CCBE1: variants seen among roughly 807,000 people sequenced by gnomAD.
CCBE1 encodes collagen and calcium-binding EGF domain-containing protein 1.
A neutral mutation model predicts 50.0 loss-of-function variants in CCBE1; 37 were observed. The ratio of observed to expected loss-of-function variants is 0.74; its 90% CI spans 0.57 to 0.97. The LOEUF is 0.97. Among genes scored for constraint, CCBE1 ranks in the 50% least tolerant of loss-of-function variants. The probability of loss-of-function intolerance (pLI) is 0.00; values close to 1 mark genes in which losing one functional copy is unlikely to be tolerated. For synonymous variants in CCBE1, 234 were observed against 203.7 expected (o/e 1.15, Z -1.27); for missense variants, 538 against 523.8 (o/e 1.03, Z -0.26).
At chr18:59,624,941 G>A (rs893578220) in intron 2 of CCBE1, among the ~76,000 whole-genome samples, 2 of 152,196 alleles carry the variant, frequency 1.3e-5, no homozygotes, top group Non-Finnish European at 2.9e-5. Context: ...CTCACACATA[G>A]CTATGCAATA....
In CCBE1 at chr18:59,487,468, C is replaced by CT. The variant is rs199834060; in HGVS notation, c.213-7231_213-7230insA. ...TACTAGAATTCCTTTTACACTACAT[C>CT]CCCCAAGAACAGAACTGAATAAAAT... On this transcript the variant is annotated intron_variant, in intron 2 of 10. Transcript: ENST00000439986. Among the ~76,000 whole-genome samples, 5 of 127,186 alleles carry CT rather than the reference C, an allele frequency of 3.9e-5. No individual in the cohort carries two copies. In the Admixed American group the frequency reaches 5.0e-4, roughly 13 times the overall value. 83.4% of individuals were successfully genotyped at this position (127,186 alleles called of 152,430 possible).
intron 4 of CCBE1, among the ~76,000 whole-genome samples, chr18:59,469,182 C>G (rs1320294579): frequency 6.6e-6 from 1 of 152,170 alleles, no homozygotes; most frequent in Non-Finnish European, 1.5e-5. Context: ...CTTTTCTGAC[C>G]ACTTATACTC....
At chr18:59,477,754 G>A (rs1026999478) in intron 3 of CCBE1, among the ~76,000 whole-genome samples, 2 of 152,198 alleles carry the variant, frequency 1.3e-5, no homozygotes, top group Non-Finnish European at 2.9e-5. Flanking sequence ...TCTGGGGAAA[G>A]GGTTAGTGTG....
Position 59,434,674 on chromosome 18 carries a change from T to C in CCBE1, c.*1234A>G, listed in dbSNP as rs1447703159. ...AGAGAAGGCCTAAAAGAACTGGAAC[T>C]TGGACTAAATTAAAGAAAATTAAGA... On this transcript the variant is annotated 3_prime_UTR_variant, in exon 11 of 11. Coordinates refer to ENST00000439986, the MANE Select transcript of CCBE1 (RefSeq NM_133459.4). 1 of 152,152 alleles carries C rather than the reference T, an allele frequency of 6.6e-6. No homozygotes were observed. The highest frequency in any genetic ancestry group is 2.4e-5 in the African/African-American group (1 of 41,438). 9.4% of individuals were successfully genotyped at this position (152,152 alleles called of 1,614,324 possible). A position where few individuals can be genotyped will look rare whatever the true frequency, so the allele number is the denominator to read the frequency against.
At chr18:59,661,949 A>G (rs1279813412) in intron 2 of CCBE1, among the ~76,000 whole-genome samples, 1 of 146,224 alleles carries the variant, frequency 6.8e-6, no homozygotes, top group Admixed American at 6.8e-5. Flanking sequence ...CCAGGGCAAC[A>G]GAGTGAGACT....
At chr18:59,562,240 C>T (rs2052749682) in intron 2 of CCBE1, among the ~76,000 whole-genome samples, 1 of 152,164 alleles carries the variant, frequency 6.6e-6, no homozygotes, top group African/African-American at 2.4e-5. Context: ...CACAAGCTGA[C>T]TGGCTAGGCA....
chr18:59,463,347 C>G (rs1911583532), intron 5 of CCBE1, among the ~76,000 whole-genome samples: 1 of 152,204 alleles, frequency 6.6e-6, no homozygotes, highest in Non-Finnish European at 1.5e-5. Flanking sequence ...CCCATCTCAG[C>G]CTCCTGAGTA....
At chr18:59,675,777 C>T (rs10503031) in intron 2 of CCBE1, among the ~76,000 whole-genome samples, 44,430 of 152,116 alleles carry the variant, frequency 0.29, 6,884 homozygotes, top group Non-Finnish European at 0.35. Flanking sequence ...CCCTTTTACA[C>T]TAGAGGGTGC....
intron 2 of CCBE1, among the ~76,000 whole-genome samples, chr18:59,585,488 A>G (rs773668414): frequency 6.6e-6 from 1 of 152,214 alleles, no homozygotes; most frequent in South Asian, 2.1e-4. Context: ...CCAGAAACTC[A>G]GAAAATAACT....
rs144539625 is a variant in CCBE1 at position 59,551,565 on chromosome 18, C to T, written c.213-71327G>A. ...TCAGCTACATTATAACCTTACAGGA[C>T]CCCCTGTCCTATATGCGGTCCATCC... On this transcript the variant is annotated intron_variant, in intron 2 of 10. Transcript: ENST00000439986. Among the ~76,000 whole-genome samples the T allele has an allele frequency of 2.2e-3, 342 of 152,318 alleles. 1 individual carries two copies. Among genetic ancestry groups the T allele is most frequent in the African/African-American group, 6.4e-3 (266 of 41,574 alleles).
chr18:59,641,833 C>T (rs2144647135), intron 2 of CCBE1, among the ~76,000 whole-genome samples: 1 of 152,192 alleles, frequency 6.6e-6, no homozygotes, highest in South Asian at 2.1e-4. Flanking sequence ...ATCGTTGAGG[C>T]TCGATGGTGT....
chr18:59,478,200 C>A (rs1912402021), intron 3 of CCBE1, among the ~76,000 whole-genome samples: 1 of 152,156 alleles, frequency 6.6e-6, no homozygotes, highest in Non-Finnish European at 1.5e-5. Context: ...TTTGGACTTG[C>A]ATCTCCACAA....
rs1450348226 is a variant in CCBE1 at position 59,697,077 on chromosome 18, ACT to A, written c.131+133_131+134del. On this transcript the variant is annotated intron_variant, in intron 1 of 10. Transcript: ENST00000439986. ...GAAGTGTCGCCCAGGACAGCTGAGC[ACT>A]CTCCTTATCCCCGGAGAAGTGAGGG... The A allele has an allele frequency of 2.5e-6, 3 of 1,219,270 alleles. No homozygotes were observed. In the African/African-American group the frequency reaches 4.5e-5, roughly 18 times the overall value. 75.5% of individuals were successfully genotyped at this position (1,219,270 alleles called of 1,614,324 possible). A position where few individuals can be genotyped will look rare whatever the true frequency, so the allele number is the denominator to read the frequency against.
intron 2 of CCBE1, among the ~76,000 whole-genome samples, chr18:59,674,382 C>T (rs369019921): frequency 1.7e-3 from 252 of 152,150 alleles, no homozygotes; most frequent in African/African-American, 5.0e-3. Context: ...GAAAACCAAA[C>T]GCAGCATGTT....
Position 59,526,238 on chromosome 18 carries a change from G to A in CCBE1, c.213-46000C>T, listed in dbSNP as rs182071045. Among the ~76,000 whole-genome samples the A allele has an allele frequency of 1.7e-4, 25 of 150,954 alleles. 1 individual carries two copies. Among genetic ancestry groups the A allele is most frequent in the African/African-American group, 6.1e-4 (25 of 41,172 alleles). ...TGATCTTGTTTATTTTTTGTCTTCT[G>A]CTAGCTTTGGGGTTTGTTTGCTTTT... On this transcript the variant is annotated intron_variant, in intron 2 of 10. Transcript: ENST00000439986.
chr18:59,468,250 T>C (rs1245326665), intron 4 of CCBE1, among the ~76,000 whole-genome samples: 2 of 152,132 alleles, frequency 1.3e-5, no homozygotes, highest in African/African-American at 2.4e-5. Context: ...CTGGGTGTAG[T>C]GGCGCATGCC....
At chr18:59,445,165 T>C (rs1910614464) in intron 7 of CCBE1, among the ~76,000 whole-genome samples, 1 of 152,150 alleles carries the variant, frequency 6.6e-6, no homozygotes, top group Non-Finnish European at 1.5e-5. Flanking sequence ...ATTTTCATAG[T>C]TTTGGGGTCT....
intron 2 of CCBE1, among the ~76,000 whole-genome samples, chr18:59,638,777 T>C (rs766947701): frequency 5.9e-5 from 9 of 152,252 alleles, no homozygotes; most frequent in Non-Finnish European, 1.3e-4. Context: ...CAAATACAAC[T>C]TTAAAAGGAT....
chr18:59,687,344 C>G (rs2144742179), intron 2 of CCBE1, among the ~76,000 whole-genome samples: 1 of 152,322 alleles, frequency 6.6e-6, no homozygotes, highest in South Asian at 2.1e-4. Flanking sequence ...CATGAACGTC[C>G]ACATAACGTT....
Sources: gnomAD v4.1 joint callset for allele counts (sites outside exome capture counted in the v4.1 genomes callset) on GRCh38, gnomAD v4.1.1 for gene constraint, MANE v1.5 for transcripts, NCBI Gene and HGNC (gene_info 2026-07-23, HGNC 2026-07-21) for gene names.